Variants in LRRC71 observed in about 807,000 individuals in gnomAD.
LRRC71 encodes the protein leucine-rich repeat-containing protein 71.
A neutral mutation model predicts 66.6 loss-of-function variants in LRRC71; 54 were observed. The observed-to-expected ratio is 0.81, with a 90% CI of 0.65 to 1.02. The LOEUF is 1.02. Among genes scored for constraint, LRRC71 ranks in the 50% least tolerant of loss-of-function variants. The probability of loss-of-function intolerance (pLI) is 0.00; values close to 1 mark genes in which losing one functional copy is unlikely to be tolerated. For missense variants in LRRC71, 724 were observed against 718.0 expected (o/e 1.01, Z -0.10); for synonymous variants, 323 against 303.9 (o/e 1.06, Z -0.65).
chr1:156,927,649 C>T lies in LRRC71; in HGVS notation c.816C>T (p.Ile272=). 6.2e-7 allele frequency: 1 copy of T among 1,606,550 alleles called. No individual in the cohort carries two copies. Among genetic ancestry groups the T allele is most frequent in the Non-Finnish European group, 8.5e-7 (1 of 1,177,440 alleles). ...TCGGTGACGAGGGCGCAGGCTACAT[C>T]GCGGACGTGAGTGCACGGCGGGGAG... ...NHIGDEGAGY[I]ADGLRLNRSL... Residue 272 remains isoleucine, a synonymous_variant, in exon 7 of 15, where the codon ATC becomes ATT. Coordinates refer to ENST00000337428, the MANE Select transcript of LRRC71 (RefSeq NM_144702.3).
At chr1:156,937,329 G>A (rs1366358826), downstream of LRRC71, 7 of 1,613,814 alleles carry the variant, frequency 4.3e-6, no homozygotes, top group East Asian at 1.3e-4. Flanking sequence ...AGGCTTGGAG[G>A]AGAGCGGCTG....
chr1:156,924,655 A>AG lies in LRRC71; in HGVS notation c.454dup (p.Glu152GlyfsTer9). On this transcript the variant is annotated frameshift_variant, in exon 4 of 15. Coordinates refer to ENST00000337428, the MANE Select transcript of LRRC71 (RefSeq NM_144702.3). LOFTEE classifies it high-confidence loss of function. ...TCTTGGCCCGCAGGTTGGAAGGTTG[A>AG]GGAACGGATTCTGGGTGTCTTCTCT... 1 of 1,535,510 alleles carries AG rather than the reference A, an allele frequency of 6.5e-7. No individual in the cohort carries two copies. Among genetic ancestry groups the AG allele is most frequent in the Non-Finnish European group, 8.8e-7 (1 of 1,137,784 alleles).
At chr1:156,935,452 A>G (rs781443771), downstream of LRRC71, 1 of 152,450 alleles carries the variant, frequency 6.6e-6, no homozygotes, top group African/African-American at 2.4e-5. Context: ...AGCTCCTTCC[A>G]TAACTGCCTC....
chr1:156,927,254 A>T lies in LRRC71; in HGVS notation c.646A>T (p.Met216Leu). Residue 216 changes from methionine (M) to leucine (L), a missense_variant, in exon 6 of 15, where the codon ATG (methionine) becomes TTG (leucine). Coordinates refer to ENST00000337428, the MANE Select transcript of LRRC71 (RefSeq NM_144702.3). The stretch of plus-strand genomic sequence containing the variant: ...GCCGGAGCAGTCCTATCACAAGCTC[A>T]TGGCCTTGGACAGCACGTGAGACTC... The part of the protein sequence containing the change: ...PLPEQSYHKL[M>L]ALDSTIAHLS... The T allele has an allele frequency of 9.3e-6, 15 of 1,610,312 alleles. No individual in the cohort carries two copies. The highest frequency in any genetic ancestry group is 1.3e-5 in the Non-Finnish European group (15 of 1,176,972).
chr1:156,939,625 G>A, the LRRC71 span: 1 of 1,613,712 alleles, frequency 6.2e-7, no homozygotes, highest in Admixed American at 1.7e-5. Flanking sequence ...CAGTTCTGGA[G>A]ACTCCCATAT....
chr1:156,920,717 C>A lies in LRRC71; in HGVS notation c.-87C>A. On this transcript the variant is annotated 5_prime_UTR_variant, in exon 1 of 15. Transcript: ENST00000337428. This position sits in a 1 kb window ranked among gnomAD's most constrained non-coding sequence, Gnocchi z 4.9. ...GACGCGGAACAGAGATCCCCTGATT[C>A]AGCCACCCCCAGACTGAGCCCCGTA... 7.5e-7 allele frequency: 1 copy of A among 1,336,658 alleles called. No individual in the cohort carries two copies. The allele number at this position is 1,336,658 out of a possible 1,614,324, so 82.8% of individuals were successfully genotyped here.
Position 156,920,961 on chromosome 1 carries a change from C to T in LRRC71, c.158C>T (p.Pro53Leu). Residue 53 changes from proline to leucine, a missense_variant and splice_region_variant, in exon 1 of 15, where the codon CCT becomes CTT. By Grantham distance (98) the Pro-to-Leu change is moderately conservative. Transcript: ENST00000337428. The surrounding 1 kb of genome is among the most constrained non-coding windows in gnomAD (Gnocchi z 4.9). ...GTGGGGGAGGAGGAGCCCAAAAGCC[C>T]TGGTACGCTGGCGCCGGGGTTTGGG... Reference protein sequence around the residue: ...PPVGEEEPKSPEEYQCSGVLE... With the variant: ...PPVGEEEPKSLEEYQCSGVLE... 3 of 1,502,024 alleles carry T rather than the reference C, an allele frequency of 2.0e-6. No individual in the cohort carries two copies. Among genetic ancestry groups the T allele is most frequent in the Non-Finnish European group, 2.7e-6 (3 of 1,122,208 alleles). The allele number at this position is 1,502,024 out of a possible 1,614,324, so 93.0% of individuals were successfully genotyped here. A position where few individuals can be genotyped will look rare whatever the true frequency, so the allele number is the denominator to read the frequency against.
At chr1:156,928,297 G>T (rs1303522036) in intron 9 of LRRC71, among the ~76,000 whole-genome samples, 1 of 151,622 alleles carries the variant, frequency 6.6e-6, no homozygotes, top group African/African-American at 2.4e-5. Context: ...GTAACCTTGG[G>T]CATGTTACTA....
intron 5 of LRRC71, among the ~76,000 whole-genome samples, chr1:156,925,761 A>C (rs1653105707): frequency 6.6e-6 from 1 of 152,202 alleles, no homozygotes; most frequent in South Asian, 2.1e-4. Flanking sequence ...GTACCCCTCC[A>C]TGCAGTGGCT....
rs764733543 is a variant in LRRC71, at chr1:156,931,979, A to C, written c.1393A>C (p.Lys465Gln). The change falls in exon 13 of 15, where the codon AAA becomes CAA. Residue 465 changes from lysine to glutamine, a missense_variant. Physicochemically the swap from Lys to Gln is moderately conservative, Grantham distance 53. Coordinates refer to ENST00000337428, the MANE Select transcript of LRRC71 (RefSeq NM_144702.3). ...GGAGCCTGTGGAGCACCGAGATGGG[A>C]AAGTTTTCATGCCTGGGAACAAGGT... ...LLEPVEHRDG[K>Q]VFMPGNKVLL... is the part of the protein sequence containing the mutation. The C allele has an allele frequency of 1.2e-6, 2 of 1,601,292 alleles. No individual in the cohort carries two copies. Among genetic ancestry groups the C allele is most frequent in the Non-Finnish European group, 1.7e-6 (2 of 1,174,028 alleles).
chr1:156,924,379 C>T (rs1028127681), intron 2 of LRRC71, 45 bp from the exon 3 acceptor site: 5 of 1,535,226 alleles, frequency 3.3e-6, no homozygotes, highest in African/African-American at 1.4e-5. Flanking sequence ...CGGCGTGGGG[C>T]CCTGGAGGTG....
chr1:156,923,466 G>A (rs541446210), intron 1 of LRRC71, among the ~76,000 whole-genome samples: 164 of 152,368 alleles, frequency 1.1e-3, no homozygotes, highest in African/African-American at 3.6e-3. Flanking sequence ...ACACTGGACA[G>A]GGGAAATGTT....
rs1275523850 is a variant in LRRC71 at position 156,924,547 on chromosome 1, TC to T, written c.436del (p.Arg146AlafsTer33). The T allele has an allele frequency of 2.6e-6, 4 of 1,551,300 alleles. No homozygotes were observed. The South Asian group carries it at 4.8e-5, about 18-fold the overall frequency. Reference protein sequence around the residue: ...EDSKSVKEIYIRGWKVEERIL... With the variant: ...EDSKSVKEIYXRGWKVEERIL... ...AGCAAGTCAGTGAAGGAAATCTACA[TC>T]CGCGGTGAGCCCCGCTCCCCCCACC... On this transcript the variant is annotated frameshift_variant, in exon 3 of 15. Coordinates refer to ENST00000337428, the MANE Select transcript of LRRC71 (RefSeq NM_144702.3). LOFTEE classifies it high-confidence loss of function.
intron 5 of LRRC71, among the ~76,000 whole-genome samples, chr1:156,926,188 A>G (rs563545367): frequency 6.6e-6 from 1 of 152,330 alleles, no homozygotes; most frequent in African/African-American, 2.4e-5. Flanking sequence ...CTGTGTGACA[A>G]ATTAACCCCA....
chr1:156,940,220 G>A, the LRRC71 span: 30 of 1,587,528 alleles, frequency 1.9e-5, no homozygotes, highest in African/African-American at 8.1e-5. Flanking sequence ...CTTCCAGAGC[G>A]GAGTCAGCGA....
At chr1:156,937,358 T>C, downstream of LRRC71, 1 of 1,612,416 alleles carries the variant, frequency 6.2e-7, no homozygotes, top group African/African-American at 1.3e-5. Context: ...TGGATCATCG[T>C]TGCCTCCCTG....
downstream of LRRC71, among the ~76,000 whole-genome samples, chr1:156,936,473 AT>A (rs1655153080): frequency 9.4e-6 from 1 of 106,682 alleles, no homozygotes; most frequent in Non-Finnish European, 1.8e-5. Context: ...CTTGTCTCAA[AT>A]AAATAGAAAA....
chr1:156,932,115 C>A, intron 13 of LRRC71, 88 bp downstream of exon 13: 2 of 1,046,190 alleles, frequency 1.9e-6, no homozygotes, highest in Non-Finnish European at 2.9e-6. Context: ...CTCTATGGAG[C>A]AGAGCTGGTC....
At chr1:156,937,548 C>A (rs555963536), downstream of LRRC71, 5 of 1,496,138 alleles carry the variant, frequency 3.3e-6, no homozygotes, top group South Asian at 6.8e-5. Flanking sequence ...GAAGTCGAAG[C>A]TATCCTCCCG....
Sources: gnomAD v4.1 joint callset for allele counts (sites outside exome capture counted in the v4.1 genomes callset) on GRCh38, gnomAD v4.1.1 for gene constraint, Gnocchi (gnomAD v3.1) non-coding constraint, MANE v1.5 for transcripts, NCBI Gene and HGNC (gene_info 2026-07-23, HGNC 2026-07-21) for gene names.